Variants in NFXL1 observed in about 807,000 individuals in gnomAD.
The protein encoded by NFXL1 is nuclear transcription factor, X-box binding like 1, also known as NF-X1-type zinc finger protein NFXL1.
In NFXL1, 66 loss-of-function variants were observed where a neutral mutation model predicts 123.3. The ratio of observed to expected loss-of-function variants is 0.54; its 90% confidence interval spans 0.44 to 0.66. The LOEUF is 0.66. Among genes scored for constraint, NFXL1 ranks in the 30% least tolerant of loss-of-function variants. NFXL1 has a pLI of 0.00. For missense variants in NFXL1, 944 were observed against 1,125.6 expected, an observed-to-expected ratio of 0.84 and a Z score of 2.31; for synonymous variants, 346 against 360.8, an observed-to-expected ratio of 0.96 and a Z score of 0.46.
chr4:47,897,165 A>C (rs1257993188), intron 9 of NFXL1, among the ~76,000 whole-genome samples: 2 of 152,072 alleles, frequency 1.3e-5, no homozygotes, highest in Non-Finnish European at 2.9e-5. Flanking sequence ...TTTTTAAATG[A>C]GCCAGGCATG....
At chr4:47,887,876 T>G (rs887071659) in intron 12 of NFXL1, among the ~76,000 whole-genome samples, 1 of 152,014 alleles carries the variant, frequency 6.6e-6, no homozygotes, top group African/African-American at 2.4e-5. Context: ...AGAAATAGCA[T>G]AGGGAGACTA....
intron 9 of NFXL1, among the ~76,000 whole-genome samples, chr4:47,897,704 A>AG (rs1305070774): frequency 6.6e-6 from 1 of 152,102 alleles, no homozygotes; most frequent in East Asian, 1.9e-4. Context: ...TATCACACGG[A>AG]GGAGTTTCCC....
rs1484840361 is a variant in NFXL1, at chr4:47,855,170, T to C, written c.2317-7A>G. On this transcript the variant is annotated splice_polypyrimidine_tract_variant and splice_region_variant and intron_variant, in intron 19 of 22. Transcript: ENST00000507489. Reference sequence around the variant, plus strand: ...ATCTATGACCACAAGGAAGCTAAAATAAAATCAAAATAAAGCAATTACATA... The same window carrying C: ...ATCTATGACCACAAGGAAGCTAAAACAAAATCAAAATAAAGCAATTACATA... The C allele has an allele frequency of 6.6e-7, 1 of 1,524,978 alleles. No individual in the cohort carries two copies. Among genetic ancestry groups the C allele is most frequent in the East Asian group, 2.3e-5 (1 of 43,138 alleles). The allele number at this position is 1,524,978 out of a possible 1,614,324, so 94.5% of individuals were successfully genotyped here.
At chr4:47,899,187 A>ATTTC in intron 6 of NFXL1, 67 bp from the exon 7 acceptor site, 3 of 1,406,568 alleles carry the variant, frequency 2.1e-6, no homozygotes, top group Non-Finnish European at 2.9e-6. Context: ...AAAACTTTCA[A>ATTTC]TTTCTACACC....
chr4:47,871,582 C>T (rs1475424940), intron 18 of NFXL1, among the ~76,000 whole-genome samples: 1 of 152,114 alleles, frequency 6.6e-6, no homozygotes, highest in Non-Finnish European at 1.5e-5. Flanking sequence ...TGCTAAAATT[C>T]GTGGGTGAAA....
At chr4:47,851,291 T>G (rs748409173) in intron 21 of NFXL1, 143 bp from the exon 22 acceptor site, 1 of 637,152 alleles carries the variant, frequency 1.6e-6, no homozygotes, top group Non-Finnish European at 2.8e-6. Flanking sequence ...AATGCTATAC[T>G]GAGACAAGGT....
At chr4:47,866,319 T>C (rs1295152553) in intron 18 of NFXL1, among the ~76,000 whole-genome samples, 2 of 152,120 alleles carry the variant, frequency 1.3e-5, no homozygotes, top group African/African-American at 2.4e-5. Flanking sequence ...TAAGGACACA[T>C]AACTCCTCTC....
chr4:47,855,099 T>C lies in NFXL1; in HGVS notation c.2381A>G (p.Gln794Arg), dbSNP rs764434625. Residue 794 changes from glutamine to arginine, a missense_variant, in exon 20 of 23, where the codon CAG (glutamine) becomes CGG (arginine). Around this residue, in one of 4 missense-constraint regions of NFXL1, gnomAD observed 301 missense variants for 348.0 expected, o/e 0.86. Coordinates refer to ENST00000507489, the MANE Select transcript of NFXL1 (RefSeq NM_001278624.2). Reference protein sequence around the residue: ...HPGECPFNCNQKVKLRCPCKR... With the variant: ...HPGECPFNCNRKVKLRCPCKR... ...ACAAGGACATCTAAGTTTTACCTTC[T>C]GGTTGCAGTTAAAGGGACATTCACC... 6.4e-6 allele frequency: 10 copies of C among 1,573,690 alleles called. No individual in the cohort carries two copies. The African/African-American group carries it at 8.2e-5, about 13-fold the overall frequency.
At chr4:47,850,047 T>C (rs1244736287) in intron 22 of NFXL1, among the ~76,000 whole-genome samples, 1 of 152,106 alleles carries the variant, frequency 6.6e-6, no homozygotes, top group Non-Finnish European at 1.5e-5. Flanking sequence ...GGACTGATTA[T>C]ATTCTGTTTA....
Position 47,894,323 on chromosome 4 carries a change from C to T in NFXL1, c.1330-21G>A, listed in dbSNP as rs761736434. 10 of 1,537,222 alleles carry T rather than the reference C, an allele frequency of 6.5e-6. No homozygotes were observed. In the Admixed American group the frequency reaches 1.0e-4, roughly 16 times the overall value. On this transcript the variant is annotated intron_variant, in intron 10 of 22. Coordinates refer to ENST00000507489, the MANE Select transcript of NFXL1 (RefSeq NM_001278624.2). The stretch of plus-strand genomic sequence containing the variant: ...ACTTCCTGGAAGAATAAAAGAAATG[C>T]TATTAAAATTGATTTTTGTTAATAT...
Position 47,875,175 on chromosome 4 carries a change from A to C in NFXL1, c.2198T>G (p.Leu733Arg), listed in dbSNP as rs1735671190. The C allele has an allele frequency of 6.2e-7, 1 of 1,612,764 alleles. No homozygotes were observed. The highest frequency in any genetic ancestry group is 1.7e-5 in the Admixed American group (1 of 60,018). Residue 733 changes from leucine (L) to arginine (R), a missense_variant, in exon 18 of 23, where the codon CTT (leucine) becomes CGT (arginine). Physicochemically the swap from Leu to Arg is moderately radical, Grantham distance 102 (BLOSUM62 -2). Around this residue, in one of 4 missense-constraint regions of NFXL1, gnomAD observed 301 missense variants for 348.0 expected, o/e 0.86. Coordinates refer to ENST00000507489, the MANE Select transcript of NFXL1 (RefSeq NM_001278624.2). ...GATCTTACAGTGACATTTTATTCTA[A>C]GCATCTGAACACAAGGTGGACATTC... ...PGECPPCVQM[L>R]RIKCHCKITS...
intron 4 of NFXL1, among the ~76,000 whole-genome samples, chr4:47,903,672 C>G (rs1737443253): frequency 1.3e-5 from 2 of 151,874 alleles, no homozygotes; most frequent in Non-Finnish European, 2.9e-5. Flanking sequence ...TTTCTATAAG[C>G]ATATTTATAG....
intron 12 of NFXL1, among the ~76,000 whole-genome samples, chr4:47,889,225 C>G (rs1003386743): frequency 6.6e-6 from 1 of 152,052 alleles, no homozygotes; most frequent in Non-Finnish European, 1.5e-5. Flanking sequence ...CCAGTTATAT[C>G]ACAGAGATGT....
chr4:47,898,153 ATC>A (rs1237914972), intron 8 of NFXL1, 72 bp from the exon 9 acceptor site: 1 of 870,422 alleles, frequency 1.1e-6, no homozygotes, highest in African/African-American at 1.8e-5. Flanking sequence ...ACAAGACACA[ATC>A]CATTTTTCAA....
intron 20 of NFXL1, among the ~76,000 whole-genome samples, chr4:47,854,353 G>C (rs1577983196): frequency 6.6e-6 from 1 of 152,006 alleles, no homozygotes; most frequent in African/African-American, 2.4e-5. Context: ...GTAAATCAGA[G>C]GTCAAAAAAG....
intron 15 of NFXL1, among the ~76,000 whole-genome samples, chr4:47,881,499 C>T (rs1025286350): frequency 1.3e-5 from 2 of 152,046 alleles, no homozygotes; most frequent in African/African-American, 4.8e-5. Context: ...AAAGTCTTAC[C>T]ATGTGATCCA....
At chr4:47,908,422 CA>C (rs10712553) in intron 3 of NFXL1, among the ~76,000 whole-genome samples, 119,205 of 145,202 alleles carry the variant, frequency 0.82, 48,804 homozygotes, top group East Asian at 0.98. Flanking sequence ...AGACTGTCTC[CA>C]AAAAAAAAAA....
intron 19 of NFXL1, among the ~76,000 whole-genome samples, chr4:47,857,747 C>CCTGACTGTGG (rs1411304680): frequency 6.6e-6 from 1 of 152,132 alleles, no homozygotes; most frequent in Non-Finnish European, 1.5e-5. Context: ...GTTCTAGTTC[C>CCTGACTGTGG]CTGACTGTGG....
intron 10 of NFXL1, among the ~76,000 whole-genome samples, chr4:47,894,632 A>T (rs1307094259): frequency 4.6e-5 from 7 of 152,044 alleles, no homozygotes; most frequent in African/African-American, 1.7e-4. Flanking sequence ...AAAAAACTAG[A>T]TTATCTAGTA....
Sources: allele counts gnomAD v4.1 joint callset (sites outside exome capture counted in the v4.1 genomes callset), GRCh38; gene constraint gnomAD v4.1.1; regional missense constraint gnomAD v4.1.1; transcripts MANE v1.5; gene names NCBI Gene and HGNC (gene_info 2026-07-23, HGNC 2026-07-21).